Variants in DMXL1 observed in about 807,000 individuals in gnomAD.
DMXL1 encodes Dmx like 1, also known as dmX-like protein 1.
A neutral mutation model predicts 319.2 loss-of-function variants in DMXL1; 99 were observed. The ratio of observed to expected loss-of-function variants is 0.31; its 90% CI spans 0.26 to 0.37. DMXL1 has a LOEUF of 0.37. Ranked by LOEUF, DMXL1 falls within the 10% of genes least tolerant of loss-of-function variation. The pLI is 1.00. For missense variants in DMXL1, 3,745 were observed against 3,595.6 expected, an observed-to-expected ratio of 1.04 and a Z score of -1.06; for synonymous variants, 1,385 against 1,235.2, an observed-to-expected ratio of 1.12 and a Z score of -2.54.
intron 28 of DMXL1, among the ~76,000 whole-genome samples, chr5:119,179,958 C>G (rs553220477): frequency 6.6e-6 from 1 of 152,214 alleles, no homozygotes; most frequent in East Asian, 1.9e-4. Context: ...GTTTTGGAGT[C>G]CATTTGGTAT....
intron 31 of DMXL1, among the ~76,000 whole-genome samples, chr5:119,196,677 G>A (rs944210810): frequency 6.6e-6 from 1 of 152,164 alleles, no homozygotes; most frequent in African/African-American, 2.4e-5. Flanking sequence ...GGCACTGAAT[G>A]TGATGTGATT....
intron 1 of DMXL1, among the ~76,000 whole-genome samples, chr5:119,090,126 T>G (rs1390717194): frequency 6.8e-6 from 1 of 146,088 alleles, no homozygotes; most frequent in African/African-American, 2.5e-5. Context: ...GTTCAAGTGA[T>G]TCTCCTGCCT....
intron 29 of DMXL1, among the ~76,000 whole-genome samples, chr5:119,192,801 G>C (rs1778928351): frequency 1.3e-5 from 2 of 151,234 alleles, no homozygotes; most frequent in South Asian, 4.2e-4. Context: ...ATAAATCTTG[G>C]TCTTCATGAT....
At chr5:119,220,434 CTATTGCTT>C in intron 35 of DMXL1, 30 bp from the exon 36 acceptor site, 1 of 1,603,188 alleles carries the variant, frequency 6.2e-7, no homozygotes, top group Non-Finnish European at 8.5e-7. Context: ...TCTCTTTTGC[CTATTGCTT>C]TTAAAATTAC....
At chr5:119,181,202 C>T (rs1488108168) in intron 28 of DMXL1, among the ~76,000 whole-genome samples, 1 of 152,150 alleles carries the variant, frequency 6.6e-6, no homozygotes, top group Non-Finnish European at 1.5e-5. Context: ...TGTATCCTAC[C>T]ACTTATTTAA....
chr5:119,100,275 A>C (rs1756948558), intron 2 of DMXL1, among the ~76,000 whole-genome samples: 1 of 149,634 alleles, frequency 6.7e-6, no homozygotes, highest in Non-Finnish European at 1.5e-5. Context: ...CTACAAAATA[A>C]AAAAAAAAAC....
intron 43 of DMXL1, among the ~76,000 whole-genome samples, chr5:119,246,705 G>A (rs575802566): frequency 6.9e-6 from 1 of 144,580 alleles, no homozygotes; most frequent in Admixed American, 7.2e-5. Flanking sequence ...GTGATCTTGG[G>A]TCACTACAAA....
chr5:119,169,635 C>T (rs957778703), intron 23 of DMXL1, among the ~76,000 whole-genome samples: 1 of 152,104 alleles, frequency 6.6e-6, no homozygotes, highest in Admixed American at 6.5e-5. Flanking sequence ...AGTTTATACA[C>T]ATAAGTAAAA....
At chr5:119,215,427 C>A (rs147261979) in intron 34 of DMXL1, among the ~76,000 whole-genome samples, 1 of 152,122 alleles carries the variant, frequency 6.6e-6, no homozygotes, top group African/African-American at 2.4e-5. Context: ...CGTGCCTCAG[C>A]CACTCAAGTA....
rs1765473479 is a variant in DMXL1, at chr5:119,134,002, T to A, written c.2078T>A (p.Val693Glu). ...LTQQNKSTVD[V>E]AFQDPSAVYS... ...CAACAAAATAAAAGCACTGTTGACG[T>A]GGCATTTCAGGATCCCAGTGCAGTT... The change falls in exon 12 of 44, where the codon GTG becomes GAG. Residue 693 changes from valine (V) to glutamate (E), a missense_variant. Coordinates refer to ENST00000539542, the MANE Select transcript of DMXL1 (RefSeq NM_001290321.3). The A allele has an allele frequency of 5.6e-6, 9 of 1,614,220 alleles. No individual in the cohort carries two copies. Among genetic ancestry groups the A allele is most frequent in the Non-Finnish European group, 7.6e-6 (9 of 1,180,038 alleles).
At chr5:119,219,607 G>A (rs1784311083) in intron 35 of DMXL1, among the ~76,000 whole-genome samples, 2 of 151,322 alleles carry the variant, frequency 1.3e-5, no homozygotes, top group Non-Finnish European at 2.9e-5. Flanking sequence ...AGGGTATCAT[G>A]CCTGGTGCCC....
intron 19 of DMXL1, among the ~76,000 whole-genome samples, chr5:119,163,965 G>A (rs1015684580): frequency 2.0e-5 from 3 of 152,096 alleles, no homozygotes; most frequent in Non-Finnish European, 4.4e-5. Flanking sequence ...ACCCACCTAG[G>A]CCTCCCAAAG....
intron 10 of DMXL1, 130 bp downstream of exon 10, chr5:119,129,553 CA>C (rs1167678836): frequency 1.5e-6 from 1 of 646,890 alleles, no homozygotes; most frequent in Non-Finnish European, 2.6e-6. Flanking sequence ...TGGACTAGCT[CA>C]TTTAATAATC....
chr5:119,245,017 T>G (rs1314160929), intron 43 of DMXL1, among the ~76,000 whole-genome samples: 2 of 152,228 alleles, frequency 1.3e-5, no homozygotes, highest in African/African-American at 4.8e-5. Context: ...TTAGCAGTCC[T>G]TTTCAGAGTC....
intron 36 of DMXL1, 92 bp downstream of exon 36, chr5:119,220,685 T>C: frequency 6.9e-7 from 1 of 1,458,322 alleles, no homozygotes; most frequent in Non-Finnish European, 9.3e-7. Flanking sequence ...TTTAAAGCAA[T>C]GTATAGATTG....
rs779948318 is a variant in DMXL1, at chr5:119,149,524, T to C, written c.3697T>C (p.Cys1233Arg). Residue 1233 changes from cysteine (C) to arginine (R), a missense_variant, in exon 18 of 44, where the codon TGT (cysteine) becomes CGT (arginine). This residue lies in a region of DMXL1 where 2,096 missense variants were observed against 1,985.4 expected (regional missense o/e 1.06). Coordinates refer to ENST00000539542, the MANE Select transcript of DMXL1 (RefSeq NM_001290321.3). ...RDGILVVGMD[C>R]EMHVYCQWQP... Reference sequence around the variant, plus strand: ...TGGCATCCTTGTGGTAGGAATGGACTGTGAAATGCATGTGTATTGCCAATG... The same window carrying C: ...TGGCATCCTTGTGGTAGGAATGGACCGTGAAATGCATGTGTATTGCCAATG... The C allele has an allele frequency of 9.3e-6, 15 of 1,613,856 alleles. No individual in the cohort carries two copies. In the Admixed American group the frequency reaches 1.0e-4, roughly 11 times the overall value.
At chr5:119,215,374 C>T (rs1783498905) in intron 34 of DMXL1, among the ~76,000 whole-genome samples, 1 of 152,076 alleles carries the variant, frequency 6.6e-6, no homozygotes, top group Admixed American at 6.6e-5. Flanking sequence ...ATGGCTCGAT[C>T]TTGGCTTACT....
intron 19 of DMXL1, among the ~76,000 whole-genome samples, chr5:119,161,860 A>G (rs1422715677): frequency 6.6e-6 from 1 of 152,192 alleles, no homozygotes; most frequent in Non-Finnish European, 1.5e-5. Context: ...AGGATAGGCT[A>G]TTGGCTGTTA....
At chr5:119,235,650 T>G (rs979765726) in intron 39 of DMXL1, among the ~76,000 whole-genome samples, 1 of 152,118 alleles carries the variant, frequency 6.6e-6, no homozygotes, top group Non-Finnish European at 1.5e-5. Context: ...ACACATCCTG[T>G]TTGTGTAACT....
Sources: allele counts gnomAD v4.1 joint callset (sites outside exome capture counted in the v4.1 genomes callset), GRCh38; gene constraint gnomAD v4.1.1; regional missense constraint gnomAD v4.1.1; transcripts MANE v1.5; gene names NCBI Gene and HGNC (gene_info 2026-07-23, HGNC 2026-07-21).